MYH7B: variants seen among roughly 807,000 people sequenced by gnomAD.
MYH7B encodes the protein myosin heavy chain 7B.
MYH7B carries 205 observed loss-of-function variants against 234.5 expected under a neutral mutation model. The observed-to-expected ratio is 0.87, with a 90% CI of 0.78 to 0.98. MYH7B has a LOEUF of 0.98. Ranked by LOEUF, MYH7B falls within the 50% of genes least tolerant of loss-of-function variation. The probability of loss-of-function intolerance (pLI) is 0.00; values close to 1 mark genes in which losing one functional copy is unlikely to be tolerated. For synonymous variants in MYH7B, 1,193 were observed against 1,105.0 expected (o/e 1.08, Z -1.58); for missense variants, 2,652 against 2,633.4 (o/e 1.01, Z -0.15).
At chr20:34,988,844 C>CT (rs1569046219) in intron 19 of MYH7B, among the ~76,000 whole-genome samples, 1 of 127,572 alleles carries the variant, frequency 7.8e-6, no homozygotes, top group Admixed American at 9.5e-5. Context: ...GAGTCTCACT[C>CT]TGTCGCCCAG....
At chr20:34,962,246 C>A (rs1263710829) in intron 2 of MYH7B, among the ~76,000 whole-genome samples, 1 of 152,070 alleles carries the variant, frequency 6.6e-6, no homozygotes, top group East Asian at 1.9e-4. Flanking sequence ...TATAATAATG[C>A]TGCTATGAAC....
intron 2 of MYH7B, among the ~76,000 whole-genome samples, chr20:34,963,011 T>C (rs559392454): frequency 9.3e-4 from 142 of 152,334 alleles, no homozygotes; most frequent in African/African-American, 3.2e-3. Context: ...AGGCAGAGAA[T>C]CGCTTGAACC....
exon 3 of MYH7B, chr20:34,975,483 G>A (rs2081839830): frequency 1.4e-6 from 1 of 712,998 alleles, no homozygotes; most frequent in Non-Finnish European, 2.6e-6. Flanking sequence ...CCAAAGTGCT[G>A]GAATTACAGA....
chr20:35,001,862 G>A, intron 43 of MYH7B, 86 bp from the exon 44 acceptor site: 1 of 1,541,078 alleles, frequency 6.5e-7, no homozygotes, highest in Non-Finnish European at 8.8e-7. Flanking sequence ...ACCAGGAGGA[G>A]CTAGCTCCCT....
intron 2 of MYH7B, among the ~76,000 whole-genome samples, chr20:34,963,194 A>G (rs2081714184): frequency 6.6e-6 from 1 of 152,236 alleles, no homozygotes; most frequent in Non-Finnish European, 1.5e-5. Context: ...GTACAGTTGA[A>G]ACATTGTTTT....
chr20:34,989,973 A>G (rs2082111140), intron 20 of MYH7B, 41 bp from the exon 21 acceptor site: 1 of 1,613,040 alleles, frequency 6.2e-7, no homozygotes, highest in African/African-American at 1.3e-5. Flanking sequence ...GCCCTGCTCC[A>G]GGTCTCCCAC....
At chr20:34,986,821 A>C in intron 14 of MYH7B, 65 bp from the exon 15 acceptor site, 1 of 1,373,908 alleles carries the variant, frequency 7.3e-7, no homozygotes, top group East Asian at 2.3e-5. Context: ...CTATGCTGCA[A>C]TTGTTGTGGG....
At chr20:34,992,371 G>A (rs1401267743) in intron 24 of MYH7B, among the ~76,000 whole-genome samples, 1 of 131,376 alleles carries the variant, frequency 7.6e-6, no homozygotes, top group East Asian at 2.3e-4. Flanking sequence ...GGGCGACAGA[G>A]CGAGACTCCG....
intron 2 of MYH7B, among the ~76,000 whole-genome samples, chr20:34,975,010 G>A (rs2081834612): frequency 6.6e-6 from 1 of 152,172 alleles, no homozygotes; most frequent in Admixed American, 6.5e-5. Flanking sequence ...AATACATAAT[G>A]TAGGATTCCA....
intron 40 of MYH7B, 47 bp from the exon 41 acceptor site, chr20:35,000,941 G>A (rs2147246614): frequency 6.2e-7 from 1 of 1,611,764 alleles, no homozygotes; most frequent in East Asian, 2.2e-5. Context: ...AATTGCAGAG[G>A]GACTTCCCTG....
rs2082274568 is a variant in MYH7B, at chr20:34,997,070, C to T, written c.3267-13C>T. On this transcript the variant is annotated splice_polypyrimidine_tract_variant and intron_variant, in intron 30 of 44. Transcript: ENST00000262873. ...TTAAGGCCTGTGCTGGCCACCCACT[C>T]TGTGGCTCCCAGGAAGGACTCCGAG... 1 of 1,547,532 alleles carries T rather than the reference C, an allele frequency of 6.5e-7. No homozygotes were observed. The highest frequency in any genetic ancestry group is 8.7e-7 in the Non-Finnish European group (1 of 1,146,604).
Position 34,979,646 on chromosome 20 carries a change from C to T in MYH7B, c.199-15C>T, listed in dbSNP as rs2081910793. 6.2e-7 allele frequency: 1 copy of T among 1,613,830 alleles called. No individual in the cohort carries two copies. Among genetic ancestry groups the T allele is most frequent in the Non-Finnish European group, 8.5e-7 (1 of 1,179,932 alleles). Reference sequence around the variant, plus strand: ...CCTCCCGGTCCCCCGGCCCCTGACACGATCTCCCTGGTAGGTGCTGATGGT... The same window carrying T: ...CCTCCCGGTCCCCCGGCCCCTGACATGATCTCCCTGGTAGGTGCTGATGGT... On this transcript the variant is annotated splice_polypyrimidine_tract_variant and intron_variant, in intron 6 of 44. Coordinates refer to ENST00000262873, the Ensembl canonical transcript of MYH7B.
chr20:34,966,021 G>C (rs1397487558), intron 2 of MYH7B, among the ~76,000 whole-genome samples: 1 of 152,052 alleles, frequency 6.6e-6, no homozygotes, highest in Non-Finnish European at 1.5e-5. Context: ...CCTGAGAACT[G>C]GGTGTTTGCA....
intron 24 of MYH7B, among the ~76,000 whole-genome samples, chr20:34,992,386 A>C (rs1600455091): frequency 7.6e-5 from 1 of 13,110 alleles, no homozygotes; most frequent in Non-Finnish European, 1.7e-4. Context: ...ACTCCGTCTC[A>C]AAAAAAAAAA....
intron 7 of MYH7B, chr20:34,980,097 TGGGGCAGG>T (rs1569035477): frequency 2.1e-5 from 10 of 472,286 alleles, no homozygotes; most frequent in Middle Eastern, 5.8e-4. Context: ...GCGTGTGGGC[TGGGGCAGG>T]GCTGTGAGCA....
At chr20:34,990,891 C>G in intron 23 of MYH7B, 66 bp downstream of exon 23, 1 of 1,590,804 alleles carries the variant, frequency 6.3e-7, no homozygotes, top group Non-Finnish European at 8.6e-7. Flanking sequence ...GGGCAGAGGC[C>G]GGGAGGCTGA....
At chr20:35,001,891 A>G in intron 43 of MYH7B, 57 bp from the exon 44 acceptor site, 2 of 1,575,178 alleles carry the variant, frequency 1.3e-6, no homozygotes, top group South Asian at 2.4e-5. Context: ...TGGGGCAGGG[A>G]CCAGAATAAG....
chr20:34,997,571 G>A (rs1292252322), exon 32 of MYH7B: 25 of 1,613,188 alleles, frequency 1.5e-5, no homozygotes, highest in Non-Finnish European at 2.0e-5. Context: ...AGCTGGAGAA[G>A]GAGAAGAGTG....
chr20:34,989,618 G>C, intron 19 of MYH7B, 122 bp from the exon 20 acceptor site: 1 of 971,840 alleles, frequency 1.0e-6, no homozygotes, highest in Admixed American at 2.9e-5. Context: ...CATCCGGGGA[G>C]ATGGCTGAAG....
Sources: allele counts gnomAD v4.1 joint callset (sites outside exome capture counted in the v4.1 genomes callset), GRCh38; gene constraint gnomAD v4.1.1; transcripts MANE v1.5; gene names NCBI Gene and HGNC (gene_info 2026-07-23, HGNC 2026-07-21).